CACNA1H: variants seen among roughly 807,000 people sequenced by gnomAD.
The protein encoded by CACNA1H is voltage-dependent T-type calcium channel subunit alpha-1H.
Under a neutral mutation model 192.5 loss-of-function variants are expected in CACNA1H, and 149 were observed. That is an observed-to-expected ratio of 0.77 (90% CI 0.68 to 0.89). The LOEUF (loss-of-function observed/expected upper bound fraction) is 0.89, where lower values mean the gene tolerates loss of function less well. CACNA1H is among the 40% of genes least tolerant of loss of function. CACNA1H has a pLI of 0.00. For synonymous variants in CACNA1H, 2,202 were observed against 1,475.2 expected (o/e 1.49, Z -11.29); for missense variants, 4,257 against 3,423.5 (o/e 1.24, Z -6.08).
intron 2 of CACNA1H, among the ~76,000 whole-genome samples, chr16:1,188,301 G>A (rs1966264758): frequency 6.6e-6 from 1 of 152,154 alleles, no homozygotes; most frequent in Non-Finnish European, 1.5e-5. Context: ...GGCCACGCTG[G>A]TCCCACAGCA....
At chr16:1,193,168 C>G (rs373745015) in intron 2 of CACNA1H, among the ~76,000 whole-genome samples, 8 of 152,212 alleles carry the variant, frequency 5.3e-5, no homozygotes, top group Admixed American at 2.6e-4. Flanking sequence ...CCAGCCTGTT[C>G]CGTTTACCCA....
At chr16:1,154,477 C>G (rs901636853) in intron 2 of CACNA1H, among the ~76,000 whole-genome samples, 3 of 152,138 alleles carry the variant, frequency 2.0e-5, no homozygotes, top group Non-Finnish European at 2.9e-5. Flanking sequence ...GAGCTGGAGT[C>G]AGGGGCGCAA....
chr16:1,220,258 G>C lies in CACNA1H; in HGVS notation c.6326G>C (p.Cys2109Ser). 3 of 1,586,266 alleles carry C rather than the reference G, an allele frequency of 1.9e-6. 1 individual carries two copies. The South Asian group carries it at 3.4e-5, about 18-fold the overall frequency. ...EEVSHITSSA[C>S]PWQPTAEPHG... ...GTCAGCCACATCACCAGCTCCGCCT[G>C]CCCCTGGCAGCCCACAGCCGAGCCC... The change falls in exon 35 of 35, where the codon TGC (cysteine) becomes TCC (serine). Residue 2109 changes from cysteine (C) to serine (S), a missense_variant. Physicochemically the swap from Cys to Ser is moderately radical, Grantham distance 112. Transcript: ENST00000348261.
chr16:1,183,690 G>T (rs1215300444), intron 2 of CACNA1H, among the ~76,000 whole-genome samples: 2 of 152,258 alleles, frequency 1.3e-5, no homozygotes, highest in East Asian at 3.9e-4. Flanking sequence ...CGTCCTGCAG[G>T]TTTGATGTAC....
At chr16:1,162,481 G>C (rs1963307785) in intron 2 of CACNA1H, among the ~76,000 whole-genome samples, 1 of 152,192 alleles carries the variant, frequency 6.6e-6, no homozygotes, top group African/African-American at 2.4e-5. Context: ...CTGTTGTCAG[G>C]CTCCTCCGAT....
chr16:1,176,269 C>A (rs531116914), intron 2 of CACNA1H, among the ~76,000 whole-genome samples: 2 of 152,318 alleles, frequency 1.3e-5, no homozygotes, highest in African/African-American at 4.8e-5. Flanking sequence ...TAGTGCCCGA[C>A]GGGGCATCTC....
chr16:1,169,058 T>C (rs1964093083), intron 2 of CACNA1H, among the ~76,000 whole-genome samples: 1 of 151,496 alleles, frequency 6.6e-6, no homozygotes, highest in Non-Finnish European at 1.5e-5. Flanking sequence ...CATGCAGCCT[T>C]GGCAACAGGA....
chr16:1,187,496 C>A (rs1232096495), intron 2 of CACNA1H, among the ~76,000 whole-genome samples: 1 of 152,258 alleles, frequency 6.6e-6, no homozygotes, highest in Non-Finnish European at 1.5e-5. Flanking sequence ...GCTCAGGCCG[C>A]TTGTGCCCAG....
At chr16:1,214,654 G>T (rs1293435486) in intron 27 of CACNA1H, among the ~76,000 whole-genome samples, 4 of 152,226 alleles carry the variant, frequency 2.6e-5, no homozygotes, top group Non-Finnish European at 5.9e-5. Flanking sequence ...TGCCATCGGG[G>T]TGCACAGACG....
chr16:1,159,395 C>G (rs1279141774), intron 2 of CACNA1H, among the ~76,000 whole-genome samples: 1 of 150,620 alleles, frequency 6.6e-6, no homozygotes, highest in Non-Finnish European at 1.5e-5. Flanking sequence ...CAGTGCAGGC[C>G]TTGAGGTGGG....
Position 1,220,418 on chromosome 16 carries a change from C to T in CACNA1H, c.6486C>T (p.Ser2162=), listed in dbSNP as rs113962757. 4.2e-5 allele frequency: 65 copies of T among 1,530,488 alleles called. No homozygotes were observed. Among genetic ancestry groups the T allele is most frequent in the Admixed American group, 6.7e-5 (3 of 44,838 alleles). The allele number at this position is 1,530,488 out of a possible 1,614,324, so 94.8% of individuals were successfully genotyped here. A position where few individuals can be genotyped will look rare whatever the true frequency, so the allele number is the denominator to read the frequency against. The change falls in exon 35 of 35, where the codon AGC becomes AGT. Residue 2162 remains serine (S), a synonymous_variant. Coordinates refer to ENST00000348261, the MANE Select transcript of CACNA1H (RefSeq NM_021098.3). The stretch of plus-strand genomic sequence containing the variant: ...GGCGGCCCTCGGCGGAGCTGGGCAG[C>T]GGGGAGCCTGGGGAGGCGAAGGCCT... ...EQWRPSAELG[S]GEPGEAKAWG... is the part of the protein sequence containing the mutation.
At chr16:1,191,901 C>T (rs553702404) in intron 2 of CACNA1H, among the ~76,000 whole-genome samples, 4 of 152,306 alleles carry the variant, frequency 2.6e-5, no homozygotes, top group African/African-American at 9.6e-5. Flanking sequence ...GGCTGTGTGA[C>T]CTCAGGCACA....
rs59026203 is a variant in CACNA1H at position 1,196,038 on chromosome 16, C to G, written c.643+15C>G. The G allele has an allele frequency of 5.1e-4, 822 of 1,604,806 alleles. 1 individual carries two copies. The highest frequency in any genetic ancestry group is 6.6e-4 in the Non-Finnish European group (779 of 1,172,676). ...CCGCGTGCCTAGTAAGTGACCGGCC[C>G]CGACTGGGCTTGAGATCAACAGGCT... is the stretch of plus-strand genomic sequence containing the variant. On this transcript the variant is annotated intron_variant, in intron 5 of 34. Coordinates refer to ENST00000348261, the MANE Select transcript of CACNA1H (RefSeq NM_021098.3).
In CACNA1H at chr16:1,218,289, C is replaced by T; in HGVS notation, c.5525C>T (p.Thr1842Ile). Residue 1842 changes from threonine (T) to isoleucine (I), a missense_variant, in exon 33 of 35, where the codon ACC becomes ATC. Thr to Ile is a moderately conservative substitution (Grantham distance 89). Transcript: ENST00000348261. ...GCCCTGTCGCCCGTCTACTTCGTGACCTTCGTGCTGGTGGCCCAGTTCGTG... is the reference window on the plus strand; with the variant it reads ...GCCCTGTCGCCCGTCTACTTCGTGATCTTCGTGCTGGTGGCCCAGTTCGTG... ...LPALSPVYFVTFVLVAQFVLV... is the reference protein window; with the variant it reads ...LPALSPVYFVIFVLVAQFVLV... 6.4e-7 allele frequency: 1 copy of T among 1,553,582 alleles called. No individual in the cohort carries two copies. Among genetic ancestry groups the T allele is most frequent in the Non-Finnish European group, 8.7e-7 (1 of 1,148,756 alleles).
intron 2 of CACNA1H, among the ~76,000 whole-genome samples, chr16:1,178,893 G>A (rs985230651): frequency 6.6e-6 from 1 of 152,166 alleles, no homozygotes. Flanking sequence ...CCCCAGCAGG[G>A]TGGCCCCGCG....
At chr16:1,179,488 G>C (rs562783360) in intron 2 of CACNA1H, among the ~76,000 whole-genome samples, 9 of 152,264 alleles carry the variant, frequency 5.9e-5, no homozygotes, top group African/African-American at 2.2e-4. Context: ...GTTGTTGCTG[G>C]TGTGATCTCG....
At position 1,211,223 on chromosome 16, in the gene CACNA1H, C is replaced by T. The variant is rs1330032968; in HGVS notation, c.4279C>T (p.Leu1427Phe). Residue 1427 changes from leucine to phenylalanine, a missense_variant, in exon 22 of 35, where the codon CTC becomes TTC. Transcript: ENST00000348261. ...GGTGGTGGAGACGCTGATATCATCA[C>T]TCAGGCCCATTGGGAACATCGTCCT... The part of the protein sequence containing the change: ...KLVVETLISS[L>F]RPIGNIVLIC... The T allele has an allele frequency of 1.2e-5, 19 of 1,612,964 alleles. No individual in the cohort carries two copies. The highest frequency in any genetic ancestry group is 6.7e-5 in the Admixed American group (4 of 60,002).
rs58198225 is a variant in CACNA1H, at chr16:1,201,710, G to T, written c.1260G>T (p.Thr420=). 8.1e-6 allele frequency: 13 copies of T among 1,609,250 alleles called. No homozygotes were observed. The highest frequency in any genetic ancestry group is 1.8e-4 in the Middle Eastern group (1 of 5,704). Residue 420 remains threonine, a synonymous_variant, in exon 9 of 35, where the codon ACG becomes ACT. Coordinates refer to ENST00000348261, the MANE Select transcript of CACNA1H (RefSeq NM_021098.3). ...MINLCLVVIA[T]QFSETKQRES... ...ACCTGTGCCTGGTGGTGATTGCCAC[G>T]CAGTTCTCGGAGACGAAGCAGCGGG...
At chr16:1,154,172 T>G (rs1012233171) in intron 2 of CACNA1H, 136 bp downstream of exon 2, 2 of 554,532 alleles carry the variant, frequency 3.6e-6, no homozygotes, top group Non-Finnish European at 5.2e-6. Context: ...CGCGCGGGGG[T>G]GCAGGGCAGG....
Sources: allele counts gnomAD v4.1 joint callset (sites outside exome capture counted in the v4.1 genomes callset), GRCh38; gene constraint gnomAD v4.1.1; transcripts MANE v1.5; gene names NCBI Gene and HGNC (gene_info 2026-07-23, HGNC 2026-07-21).